NOX5: variants seen among roughly 807,000 people sequenced by gnomAD.
NOX5 encodes the protein NADPH oxidase, EF-hand calcium binding domain 5.
NOX5 carries 76 observed loss-of-function variants against 85.7 expected under a neutral mutation model. The observed-to-expected ratio is 0.89, with a 90% confidence interval of 0.74 to 1.07. The LOEUF (loss-of-function observed/expected upper bound fraction) is 1.07. Ranked by LOEUF, NOX5 falls within the 50% of genes least tolerant of loss-of-function variation. The pLI, the probability that NOX5 is intolerant of heterozygous loss-of-function variation, is 0.00. For synonymous variants in NOX5, 405 were observed against 401.4 expected, an observed-to-expected ratio of 1.01 and a Z score of -0.11; for missense variants, 973 against 999.5, an observed-to-expected ratio of 0.97 and a Z score of 0.36.
chr15:69,033,061 GGCCCCCGCCCCCC>G lies in NOX5; in HGVS notation c.644_656del (p.Pro215HisfsTer9). ...CTCGCAGCGCTGCCCACTGGCTGAC[GGCCCCCGCCCCCC>G]GCCCACGCCCGCGCCGGCCGCGCCA... On this transcript the variant is annotated frameshift_variant, in exon 5 of 16. Coordinates refer to ENST00000388866, the MANE Select transcript of NOX5 (RefSeq NM_024505.4). LOFTEE classifies it high-confidence loss of function. 1 of 1,552,696 alleles carries G rather than the reference GGCCCCCGCCCCCC, an allele frequency of 6.4e-7. No homozygotes were observed. The highest frequency in any genetic ancestry group is 8.6e-7 in the Non-Finnish European group (1 of 1,163,832).
chr15:69,037,144 C>A lies in NOX5; in HGVS notation c.1305C>A (p.Ala435=). Residue 435 remains alanine, a synonymous_variant, in exon 8 of 16, where the codon GCC becomes GCA. Coordinates refer to ENST00000388866, the MANE Select transcript of NOX5 (RefSeq NM_024505.4). ...GAATCTTGTTTTTCCTGGAGAAGGC[C>A]ATCGGACTGGCAGTGTCCCGCATGG... ...VPGILFFLEK[A]IGLAVSRMAA... is the part of the protein sequence containing the mutation. The A allele has an allele frequency of 6.2e-7, 1 of 1,614,084 alleles. No individual in the cohort carries two copies. The highest frequency in any genetic ancestry group is 8.5e-7 in the Non-Finnish European group (1 of 1,180,028).
Position 69,038,942 on chromosome 15 carries a change from G to T in NOX5, c.1457G>T (p.Arg486Leu). 1 of 1,613,990 alleles carries T rather than the reference G, an allele frequency of 6.2e-7. No individual in the cohort carries two copies. Among genetic ancestry groups the T allele is most frequent in the Non-Finnish European group, 8.5e-7 (1 of 1,180,012 alleles). Residue 486 changes from arginine (R) to leucine (L), a missense_variant, in exon 9 of 16, where the codon CGC (arginine) becomes CTC (leucine). Physicochemically the swap from Arg to Leu is moderately radical, Grantham distance 102 (BLOSUM62 -2). Coordinates refer to ENST00000388866, the MANE Select transcript of NOX5 (RefSeq NM_024505.4). ...YLYLNIPTIARYEWHPFTISS... is the reference protein window; with the variant it reads ...YLYLNIPTIALYEWHPFTISS... ...TATCTGAACATCCCCACCATTGCTC[G>T]CTATGAGTGGCACCCCTTCACCATC...
At chr15:69,021,866 T>C (rs183839000) in intron 1 of NOX5, among the ~76,000 whole-genome samples, 38 of 152,372 alleles carry the variant, frequency 2.5e-4, no homozygotes, top group Non-Finnish European at 4.6e-4. Context: ...TGTTTTTCAC[T>C]ATATTGAGGC....
In NOX5 at chr15:69,040,416, T is replaced by C. The variant is rs982821793; in HGVS notation, c.1504+1427T>C. On this transcript the variant is annotated intron_variant, in intron 9 of 15. Transcript: ENST00000388866. Reference sequence around the variant, plus strand: ...ATAGGCTTCCAGCTCTCTCTCTCTATCTATCTATCTACATGGCTAATCAGA... The same window carrying C: ...ATAGGCTTCCAGCTCTCTCTCTCTACCTATCTATCTACATGGCTAATCAGA... Among the ~76,000 whole-genome samples, 29 of 152,228 alleles carry C rather than the reference T, an allele frequency of 1.9e-4. 1 individual carries two copies. The highest frequency in any genetic ancestry group is 7.3e-5 in the Non-Finnish European group (5 of 68,034).
At chr15:69,052,978 A>C (rs1276965739) in intron 14 of NOX5, among the ~76,000 whole-genome samples, 1 of 152,232 alleles carries the variant, frequency 6.6e-6, no homozygotes, top group Non-Finnish European at 1.5e-5. Context: ...TGTGTAAACA[A>C]AGGGTAACAG....
chr15:69,048,979 C>G lies in NOX5; in HGVS notation c.1920C>G (p.Asn640Lys), dbSNP rs760891514. ...CGTAGGTGGACTTTATCTGGATCAA[C>G]AGAGACCAGCGGTCTTTCGAGTGGT... ...KLHKVDFIWI[N>K]RDQRSFEWFV... The change falls in exon 14 of 16, where the codon AAC (asparagine) becomes AAG (lysine). Residue 640 changes from asparagine (N) to lysine (K), a missense_variant. Transcript: ENST00000388866. 2.0e-5 allele frequency: 32 copies of G among 1,612,408 alleles called. No homozygotes were observed. The highest frequency in any genetic ancestry group is 2.7e-5 in the Non-Finnish European group (32 of 1,179,452).
chr15:69,046,872 A>G lies in NOX5; in HGVS notation c.1692+6A>G. The G allele has an allele frequency of 6.2e-7, 1 of 1,613,702 alleles. No homozygotes were observed. Among genetic ancestry groups the G allele is most frequent in the South Asian group, 1.1e-5 (1 of 91,022 alleles). ...ACAAATTCTGTAACATCAAGGTGAG[A>G]GGCTGCAGGGGTGGACGTGAGCAAT... On this transcript the variant is annotated splice_donor_region_variant and intron_variant, in intron 11 of 15. Coordinates refer to ENST00000388866, the MANE Select transcript of NOX5 (RefSeq NM_024505.4).
At chr15:69,031,887 A>G (rs2050439886) in intron 4 of NOX5, 75 bp downstream of exon 4, 4 of 1,452,686 alleles carry the variant, frequency 2.8e-6, no homozygotes, top group African/African-American at 2.8e-5. Flanking sequence ...GCAGGAACTC[A>G]CCGCGGATCC....
At chr15:69,049,135 A>T in intron 14 of NOX5, 77 bp downstream of exon 14, 1 of 869,626 alleles carries the variant, frequency 1.1e-6, no homozygotes, top group South Asian at 1.8e-5. Context: ...TAATTTATTG[A>T]TATGAAACTC....
At chr15:69,022,164 G>A (rs888122226) in intron 1 of NOX5, 1 of 159,726 alleles carries the variant, frequency 6.3e-6, no homozygotes, top group African/African-American at 2.4e-5. Context: ...TAAGCAGAGT[G>A]AGTAAATAGT....
At chr15:69,040,249 T>A (rs1258456078) in intron 9 of NOX5, among the ~76,000 whole-genome samples, 1 of 152,274 alleles carries the variant, frequency 6.6e-6, no homozygotes, top group East Asian at 1.9e-4. Context: ...ATTTTCTCCC[T>A]ATTTTTTTCC....
chr15:69,027,666 A>G (rs546738422), intron 2 of NOX5, among the ~76,000 whole-genome samples: 18 of 152,308 alleles, frequency 1.2e-4, no homozygotes, highest in African/African-American at 4.3e-4. Flanking sequence ...TACACAGTAC[A>G]AGACTGCTCA....
At chr15:69,014,858 C>A in intron 1 of NOX5, 73 bp downstream of exon 1, 2 of 1,115,372 alleles carry the variant, frequency 1.8e-6, no homozygotes, top group Non-Finnish European at 2.7e-6. Flanking sequence ...TTTGTGGGAT[C>A]TACAAAAGGT....
In NOX5 at chr15:69,057,557, T is replaced by A. The variant is rs2050827831; in HGVS notation, c.*861T>A. 1 of 152,162 alleles carries A rather than the reference T, an allele frequency of 6.6e-6. No individual in the cohort carries two copies. Among genetic ancestry groups the A allele is most frequent in the African/African-American group, 2.4e-5 (1 of 41,412 alleles). The allele number at this position is 152,162 out of a possible 1,614,324, so 9.4% of individuals were successfully genotyped here. ...CCTTCTCTCTGTGTGCTGAGTCGCTTGAGAAACAGGATGGAGACAGCCTCT... is the reference window on the plus strand; with the variant it reads ...CCTTCTCTCTGTGTGCTGAGTCGCTAGAGAAACAGGATGGAGACAGCCTCT... On this transcript the variant is annotated 3_prime_UTR_variant, in exon 16 of 16. Coordinates refer to ENST00000388866, the MANE Select transcript of NOX5 (RefSeq NM_024505.4).
chr15:69,049,038 A>G lies in NOX5; in HGVS notation c.1979A>G (p.Gln660Arg), dbSNP rs1397000950. 6.2e-7 allele frequency: 1 copy of G among 1,611,884 alleles called. No homozygotes were observed. The highest frequency in any genetic ancestry group is 1.1e-5 in the South Asian group (1 of 90,106). ...VSLLTKLEMD[Q>R]AEEAQYGRFL... ...CTGCTGACTAAACTGGAGATGGACC[A>G]GGCCGAGGAGGCTCAATACGGTAAG... is the stretch of plus-strand genomic sequence containing the variant. The change falls in exon 14 of 16, where the codon CAG becomes CGG. Residue 660 changes from glutamine (Q) to arginine (R), a missense_variant. By Grantham distance (43) the Gln-to-Arg change is conservative. Transcript: ENST00000388866.
chr15:69,055,591 G>C, intron 15 of NOX5, 91 bp downstream of exon 15: 1 of 1,447,394 alleles, frequency 6.9e-7, no homozygotes. Context: ...AGCTGTCAGG[G>C]GCAAAGTGTG....
chr15:69,025,946 G>A (rs992659833), intron 1 of NOX5, among the ~76,000 whole-genome samples: 1 of 152,170 alleles, frequency 6.6e-6, no homozygotes, highest in African/African-American at 2.4e-5. Flanking sequence ...GATCCATCTT[G>A]TATCACAAGC....
chr15:69,016,224 C>A (rs1048836397), intron 1 of NOX5, among the ~76,000 whole-genome samples: 4 of 151,992 alleles, frequency 2.6e-5, no homozygotes, highest in Non-Finnish European at 4.4e-5. Flanking sequence ...CAGGAGCTGG[C>A]CTATCTCAGT....
At chr15:69,017,723 GAGTA>G (rs2050248102) in intron 1 of NOX5, among the ~76,000 whole-genome samples, 1 of 152,000 alleles carries the variant, frequency 6.6e-6, no homozygotes, top group Non-Finnish European at 1.5e-5. Context: ...ATTTGGCTCA[GAGTA>G]AGTATCTTCA....
Sources: allele counts gnomAD v4.1 joint callset (sites outside exome capture counted in the v4.1 genomes callset), GRCh38; gene constraint gnomAD v4.1.1; transcripts MANE v1.5; gene names NCBI Gene and HGNC (gene_info 2026-07-23, HGNC 2026-07-21).